The following MMP20 variants were observed in gnomAD, a reference collection of about 807,000 sequenced individuals.
MMP20 encodes matrix metalloproteinase-20.
In MMP20, 50 loss-of-function variants were observed where a neutral mutation model predicts 51.8. The observed-to-expected ratio is 0.97, with a 90% CI of 0.77 to 1.22. The LOEUF (loss-of-function observed/expected upper bound fraction) is 1.22, where lower values mean the gene tolerates loss of function less well. Ranked by LOEUF, MMP20 falls within the 50% of genes most tolerant of loss-of-function variation. MMP20 has a pLI of 0.00. For missense variants in MMP20, 663 were observed against 601.4 expected, an observed-to-expected ratio of 1.10 and a Z score of -1.07; for synonymous variants, 244 against 216.2, an observed-to-expected ratio of 1.13 and a Z score of -1.13.
At chr11:102,609,820 T>C (rs1023834010) in intron 4 of MMP20, 85 bp downstream of exon 4, 162 of 1,590,664 alleles carry the variant, frequency 1.0e-4, no homozygotes, top group Non-Finnish European at 1.3e-4. Context: ...AAGGGTGGCT[T>C]GGGACGTTGA....
At chr11:102,605,693 A>T (rs1178639324) in intron 6 of MMP20, among the ~76,000 whole-genome samples, 1 of 152,176 alleles carries the variant, frequency 6.6e-6, no homozygotes, top group Admixed American at 6.5e-5. Flanking sequence ...TGGGCTCCAT[A>T]AACACTTTTG....
chr11:102,601,780 C>G (rs1472591505), intron 6 of MMP20, among the ~76,000 whole-genome samples: 1 of 152,228 alleles, frequency 6.6e-6, no homozygotes, highest in Non-Finnish European at 1.5e-5. Context: ...ATTATACTCT[C>G]AGCCATGAGG....
intron 6 of MMP20, among the ~76,000 whole-genome samples, chr11:102,600,394 A>G (rs1267856309): frequency 1.3e-5 from 2 of 152,234 alleles, no homozygotes; most frequent in African/African-American, 4.8e-5. Flanking sequence ...TGCCACTGCC[A>G]ACTATTATCT....
rs1400824593 is a variant in MMP20, at chr11:102,616,406, T to C, written c.374+406A>G. The stretch of plus-strand genomic sequence containing the variant: ...TCACCTTTATAACCCTCAAATGGAA[T>C]GCATTTCTTGAATCATCAATAAAAG... On this transcript the variant is annotated intron_variant, in intron 2 of 9. Transcript: ENST00000260228. 3.9e-5 allele frequency among the ~76,000 whole-genome samples: 6 copies of C among 152,324 alleles called. No individual in the cohort carries two copies. In the East Asian group the frequency reaches 9.6e-4, roughly 24 times the overall value.
At chr11:102,610,362 C>T (rs1711417) in intron 3 of MMP20, among the ~76,000 whole-genome samples, 62,597 of 145,872 alleles carry the variant, frequency 0.43, 13,391 homozygotes, top group South Asian at 0.61. Flanking sequence ...ACGACTGGGG[C>T]GGGGCGGGGC....
chr11:102,586,365 C>T (rs781714631), intron 8 of MMP20, among the ~76,000 whole-genome samples: 4 of 152,026 alleles, frequency 2.6e-5, no homozygotes, highest in African/African-American at 7.2e-5. Flanking sequence ...CTTCTTGACT[C>T]GGTTTTACTA....
At chr11:102,602,517 T>C (rs1784437) in intron 6 of MMP20, among the ~76,000 whole-genome samples, 77,524 of 151,902 alleles carry the variant, frequency 0.51, 20,309 homozygotes, top group South Asian at 0.66. Context: ...CTAACTCAAA[T>C]GCATAACAGT....
chr11:102,590,856 C>T (rs1327375237), intron 8 of MMP20, among the ~76,000 whole-genome samples: 2 of 152,088 alleles, frequency 1.3e-5, no homozygotes, highest in Non-Finnish European at 2.9e-5. Context: ...CTAAAGCTCC[C>T]CTGGCCACCT....
chr11:102,624,180 G>A (rs1859786836), intron 1 of MMP20, among the ~76,000 whole-genome samples: 1 of 152,180 alleles, frequency 6.6e-6, no homozygotes, highest in African/African-American at 2.4e-5. Context: ...AGACAGCCAA[G>A]CGGTACACAG....
At position 102,609,044 on chromosome 11, in the gene MMP20, G is replaced by C; in HGVS notation, c.704C>G (p.Ala235Gly). The C allele has an allele frequency of 6.2e-7, 1 of 1,613,910 alleles. No homozygotes were observed. The highest frequency in any genetic ancestry group is 1.1e-5 in the South Asian group (1 of 91,082). ...CAGTGCTGATGGGTCTGTGGAATGG[G>C]CCAGGCCCAGGGCATGGCCAAATTC... ...AHEFGHALGL[A>G]HSTDPSALMY... The change falls in exon 5 of 10, where the codon GCC becomes GGC. Residue 235 changes from alanine to glycine, a missense_variant. Physicochemically the swap from Ala to Gly is moderately conservative, Grantham distance 60 (BLOSUM62 0). Coordinates refer to ENST00000260228, the MANE Select transcript of MMP20 (RefSeq NM_004771.4).
intron 8 of MMP20, among the ~76,000 whole-genome samples, chr11:102,582,056 A>C (rs555038854): frequency 2.5e-3 from 380 of 152,312 alleles, no homozygotes; most frequent in African/African-American, 8.8e-3. Flanking sequence ...CAAGGTATTT[A>C]CATTTAATAT....
Position 102,625,296 on chromosome 11 carries a change from G to A in MMP20, c.24C>T (p.Gly8=). The change falls in exon 1 of 10, where the codon GGC becomes GGT. Residue 8 remains glycine, a synonymous_variant. Coordinates refer to ENST00000260228, the MANE Select transcript of MMP20 (RefSeq NM_004771.4). ...AAGCCATGATGAGGAAGACAGCAAG[G>A]CCAGATGCAGGGAGCACCTTCATCC... The part of the protein sequence containing the change: MKVLPAS[G]LAVFLIMALK... 1 of 1,613,584 alleles carries A rather than the reference G, an allele frequency of 6.2e-7. No individual in the cohort carries two copies. Among genetic ancestry groups the A allele is most frequent in the Non-Finnish European group, 8.5e-7 (1 of 1,179,750 alleles).
At chr11:102,620,100 T>C (rs1301789788) in intron 1 of MMP20, among the ~76,000 whole-genome samples, 6 of 152,186 alleles carry the variant, frequency 3.9e-5, no homozygotes, top group Non-Finnish European at 8.8e-5. Flanking sequence ...TCTCACCTGC[T>C]TGTTTGCAAC....
chr11:102,614,634 C>A (rs974550276), intron 2 of MMP20, among the ~76,000 whole-genome samples: 1 of 152,054 alleles, frequency 6.6e-6, no homozygotes, highest in Admixed American at 6.5e-5. Context: ...TTTTTCTCCC[C>A]CAATTGCTTT....
chr11:102,585,630 C>T (rs1222591947), intron 8 of MMP20, among the ~76,000 whole-genome samples: 1 of 152,116 alleles, frequency 6.6e-6, no homozygotes, highest in Admixed American at 6.5e-5. Flanking sequence ...TTAGGACCTC[C>T]AGTACAATGT....
At chr11:102,605,245 C>A (rs965141662) in intron 6 of MMP20, 2 of 152,162 alleles carry the variant, frequency 1.3e-5, no homozygotes, top group African/African-American at 4.8e-5. Context: ...GTGAAACTTA[C>A]CTTGCAGTAC....
At chr11:102,606,962 T>C in intron 5 of MMP20, 1 of 426,412 alleles carries the variant, frequency 2.3e-6, no homozygotes. Flanking sequence ...AAATAATTCC[T>C]GTAAAGCAGG....
At chr11:102,599,399 T>C (rs1339741984) in intron 6 of MMP20, among the ~76,000 whole-genome samples, 1 of 152,222 alleles carries the variant, frequency 6.6e-6, no homozygotes, top group Non-Finnish European at 1.5e-5. Flanking sequence ...GAACAAGAAA[T>C]GCTTGAAACC....
intron 9 of MMP20, among the ~76,000 whole-genome samples, chr11:102,577,676 C>T (rs1314359459): frequency 6.6e-6 from 1 of 152,184 alleles, no homozygotes; most frequent in East Asian, 1.9e-4. Context: ...GTGCCATGCT[C>T]AGTTATGTAC....
Sources: gnomAD v4.1 joint callset for allele counts (sites outside exome capture counted in the v4.1 genomes callset) on GRCh38, gnomAD v4.1.1 for gene constraint, MANE v1.5 for transcripts, NCBI Gene and HGNC (gene_info 2026-07-23, HGNC 2026-07-21) for gene names.